The following PPP1R12B variants were observed in gnomAD, a reference collection of about 807,000 sequenced individuals.
The protein encoded by PPP1R12B is protein phosphatase 1 regulatory subunit 12B.
In PPP1R12B, 76 loss-of-function variants were observed where a neutral mutation model predicts 126.1. The ratio of observed to expected loss-of-function variants is 0.60; its 90% CI spans 0.50 to 0.73. PPP1R12B has a LOEUF of 0.73. PPP1R12B is among the 30% of genes least tolerant of loss of function. The pLI is 0.00. For synonymous variants in PPP1R12B, 356 were observed against 434.7 expected, an observed-to-expected ratio of 0.82 and a Z score of 2.25; for missense variants, 1,052 against 1,205.1, an observed-to-expected ratio of 0.87 and a Z score of 1.88.
intron 1 of PPP1R12B, among the ~76,000 whole-genome samples, chr1:202,352,540 T>G (rs1656215945): frequency 1.3e-5 from 2 of 152,054 alleles, no homozygotes; most frequent in Non-Finnish European, 2.9e-5. Flanking sequence ...GTCTGATCAG[T>G]CTTCATCTGG....
intron 1 of PPP1R12B, among the ~76,000 whole-genome samples, chr1:202,353,497 G>T (rs969252650): frequency 4.7e-5 from 7 of 150,186 alleles, no homozygotes; most frequent in African/African-American, 1.5e-4. Flanking sequence ...GGGAAATTCA[G>T]CTTTTTGTCT....
chr1:202,559,929 A>G (rs180718510), intron 19 of PPP1R12B, among the ~76,000 whole-genome samples: 57 of 152,326 alleles, frequency 3.7e-4, no homozygotes, highest in Non-Finnish European at 7.5e-4. Flanking sequence ...AAAATATGCT[A>G]TGAAACTGTA....
At chr1:202,567,488 A>G (rs967788411) in intron 21 of PPP1R12B, 28 of 212,910 alleles carry the variant, frequency 1.3e-4, no homozygotes, top group South Asian at 2.3e-4. Flanking sequence ...AGACCTGTGG[A>G]GAGAGAGAGA....
intron 2 of PPP1R12B, among the ~76,000 whole-genome samples, chr1:202,420,827 G>C (rs1668640778): frequency 6.6e-6 from 1 of 152,026 alleles, no homozygotes; most frequent in Non-Finnish European, 1.5e-5. Flanking sequence ...AATTGTGAAG[G>C]CTTTTGAGCT....
intron 1 of PPP1R12B, among the ~76,000 whole-genome samples, chr1:202,402,657 A>G (rs897393521): frequency 2.6e-5 from 4 of 152,240 alleles, no homozygotes; most frequent in African/African-American, 9.6e-5. Flanking sequence ...GTTTCTGCTC[A>G]TAGCCAGCAT....
At chr1:202,414,103 G>GCAGAGATGAGGTTTCACCATGTTGGC in intron 1 of PPP1R12B, among the ~76,000 whole-genome samples, 1 of 152,136 alleles carries the variant, frequency 6.6e-6, no homozygotes, top group Non-Finnish European at 1.5e-5. Flanking sequence ...TGTATTTTTA[G>GCAGAGATGAGGTTTCACCATGTTGGC]TAGAGATGAG....
At position 202,587,007 on chromosome 1, in the gene PPP1R12B, T is replaced by C. The variant is rs1689854346; in HGVS notation, c.*6447T>C. 1 of 152,150 alleles carries C rather than the reference T, an allele frequency of 6.6e-6. No homozygotes were observed. The highest frequency in any genetic ancestry group is 2.4e-5 in the African/African-American group (1 of 41,426). The allele number at this position is 152,150 out of a possible 1,614,324, so 9.4% of individuals were successfully genotyped here. A position where few individuals can be genotyped will look rare whatever the true frequency, so the allele number is the denominator to read the frequency against. On this transcript the variant is annotated 3_prime_UTR_variant, in exon 24 of 24. Transcript: ENST00000608999. Reference sequence around the variant, plus strand: ...TTTATTTATTAAATCATATCTTTTGTTTTTCCCCCTCCCTTCTAATCCCCC... The same window carrying C: ...TTTATTTATTAAATCATATCTTTTGCTTTTCCCCCTCCCTTCTAATCCCCC...
Position 202,399,015 on chromosome 1 carries a change from A to G in PPP1R12B, c.292-17772A>G, listed in dbSNP as rs116287019. On this transcript the variant is annotated intron_variant, in intron 1 of 23. Coordinates refer to ENST00000608999, the MANE Select transcript of PPP1R12B (RefSeq NM_002481.4). ...TATTTTTTGTAAATTGAGGGAGATG[A>G]GCTTTTGAATCTCTAAAACCTAGTG... 7.0e-3 allele frequency among the ~76,000 whole-genome samples: 1,059 copies of G among 152,148 alleles called. 11 individuals are homozygous for G. Among genetic ancestry groups the G allele is most frequent in the African/African-American group, 0.025 (1,017 of 41,506 alleles).
intron 18 of PPP1R12B, among the ~76,000 whole-genome samples, chr1:202,531,278 A>G (rs532715649): frequency 9.2e-5 from 14 of 152,344 alleles, no homozygotes; most frequent in Admixed American, 3.3e-4. Flanking sequence ...CTATCTTCCA[A>G]CTTGGCTGTG....
intron 10 of PPP1R12B, chr1:202,438,924 T>G: frequency 6.5e-7 from 1 of 1,527,464 alleles, no homozygotes; most frequent in Non-Finnish European, 9.0e-7. Context: ...TGCCTGGAGG[T>G]GACCCCGAAG....
chr1:202,463,853 C>A (rs1004585143), intron 13 of PPP1R12B, among the ~76,000 whole-genome samples: 1 of 152,156 alleles, frequency 6.6e-6, no homozygotes, highest in African/African-American at 2.4e-5. Context: ...CTGAATTCAG[C>A]CTACCCAGGA....
chr1:202,364,751 T>C (rs1030597090), intron 1 of PPP1R12B, among the ~76,000 whole-genome samples: 1 of 152,096 alleles, frequency 6.6e-6, no homozygotes, highest in African/African-American at 2.4e-5. Flanking sequence ...TAAGTTTTTG[T>C]ATTTTTAGTA....
At chr1:202,468,216 C>G (rs1675316580) in intron 13 of PPP1R12B, among the ~76,000 whole-genome samples, 1 of 152,108 alleles carries the variant, frequency 6.6e-6, no homozygotes, top group Admixed American at 6.6e-5. Flanking sequence ...TGTGCAGAAG[C>G]TCTTTAGTTT....
intron 1 of PPP1R12B, among the ~76,000 whole-genome samples, chr1:202,408,164 A>G (rs746508192): frequency 6.6e-6 from 1 of 152,130 alleles, no homozygotes; most frequent in African/African-American, 2.4e-5. Flanking sequence ...ATTTCTTGGC[A>G]TATGATTTCT....
At chr1:202,539,997 C>T (rs1684941755) in intron 18 of PPP1R12B, 1 of 1,283,758 alleles carries the variant, frequency 7.8e-7, no homozygotes, top group Admixed American at 3.2e-5. Context: ...TACAGGGCTG[C>T]TTTTATCCTT....
At chr1:202,516,643 A>G (rs1432579141) in intron 18 of PPP1R12B, among the ~76,000 whole-genome samples, 1 of 152,180 alleles carries the variant, frequency 6.6e-6, no homozygotes, top group Non-Finnish European at 1.5e-5. Flanking sequence ...AAAAATCCTC[A>G]TAAAGGCTTA....
At chr1:202,550,048 T>A (rs1443227519) in intron 18 of PPP1R12B, among the ~76,000 whole-genome samples, 1 of 152,222 alleles carries the variant, frequency 6.6e-6, no homozygotes, top group African/African-American at 2.4e-5. Flanking sequence ...TGCAATTTGC[T>A]AGTATATTGG....
chr1:202,435,959 A>G (rs577284262), intron 9 of PPP1R12B, among the ~76,000 whole-genome samples: 94 of 152,280 alleles, frequency 6.2e-4, no homozygotes, highest in African/African-American at 2.1e-3. Context: ...ACTTTTTTCA[A>G]TAGAAAAATA....
At chr1:202,550,654 G>A (rs1373527208) in intron 18 of PPP1R12B, among the ~76,000 whole-genome samples, 3 of 152,162 alleles carry the variant, frequency 2.0e-5, no homozygotes, top group Non-Finnish European at 2.9e-5. Context: ...TATGGGGAAA[G>A]TAAATATAGA....
Sources: gnomAD v4.1 joint callset for allele counts (sites outside exome capture counted in the v4.1 genomes callset) on GRCh38, gnomAD v4.1.1 for gene constraint, MANE v1.5 for transcripts, NCBI Gene and HGNC (gene_info 2026-07-23, HGNC 2026-07-21) for gene names.